The following MTCL1 variants were observed in gnomAD, a reference collection of about 807,000 sequenced individuals.
The protein encoded by MTCL1 is microtubule cross-linking factor 1.
MTCL1 carries 79 observed loss-of-function variants against 141.4 expected under a neutral mutation model. The ratio of observed to expected loss-of-function variants is 0.56; its 90% CI spans 0.47 to 0.67. MTCL1 has a LOEUF of 0.67. Among genes scored for constraint, MTCL1 ranks in the 30% least tolerant of loss-of-function variants. The probability of loss-of-function intolerance (pLI) is 0.00; values close to 1 mark genes in which losing one functional copy is unlikely to be tolerated. For missense variants in MTCL1, 2,177 were observed against 2,113.9 expected (o/e 1.03, Z -0.59); for synonymous variants, 914 against 875.8 (o/e 1.04, Z -0.77).
exon 15 of MTCL1, chr18:8,825,841 C>G (rs1277775344): frequency 6.2e-7 from 1 of 1,614,234 alleles, no homozygotes; most frequent in Non-Finnish European, 8.5e-7. Context: ...GATGGCCTCT[C>G]CAGCCTCTTC....
At chr18:8,737,683 G>A (rs1262575539) in intron 4 of MTCL1, among the ~76,000 whole-genome samples, 1 of 152,232 alleles carries the variant, frequency 6.6e-6, no homozygotes, top group African/African-American at 2.4e-5. Flanking sequence ...GCAGGCTAAG[G>A]ATAGAGCACT....
chr18:8,718,627 A>G (rs913272101), exon 3 of MTCL1: 3 of 1,613,114 alleles, frequency 1.9e-6, no homozygotes, highest in Non-Finnish European at 2.5e-6. Context: ...AGCTTATTCG[A>G]AGCCTGGAGC....
rs1476756554 is a variant in MTCL1 at position 8,779,696 on chromosome 18, C to CT, written c.417+1807dup. 6.6e-6 allele frequency among the ~76,000 whole-genome samples: 1 copy of CT among 152,146 alleles called. No homozygotes were observed. The highest frequency in any genetic ancestry group is 1.5e-5 in the Non-Finnish European group (1 of 68,038). ...ACTCTCCCATGGCTTCCAGGACAGT[C>CT]TTTCTTTCAAACCCTGCTTTAGTCT... is the stretch of plus-strand genomic sequence containing the variant. On this transcript the variant is annotated intron_variant, in intron 5 of 16. Coordinates refer to ENST00000359865, the Ensembl canonical transcript of MTCL1. The surrounding 1 kb of genome is among the most constrained non-coding windows in gnomAD (Gnocchi z 4.1).
At chr18:8,773,578 A>G (rs887719892) in intron 4 of MTCL1, among the ~76,000 whole-genome samples, 3 of 152,084 alleles carry the variant, frequency 2.0e-5, no homozygotes, top group Non-Finnish European at 2.9e-5. Flanking sequence ...CCAATCTATC[A>G]ATCTTTTCTC....
At chr18:8,780,623 C>T (rs1422026731) in intron 5 of MTCL1, among the ~76,000 whole-genome samples, 1 of 152,210 alleles carries the variant, frequency 6.6e-6, no homozygotes, top group East Asian at 1.9e-4. Context: ...CCCCTGTTTT[C>T]TGGTCCCAAG....
rs79819128 is a variant in MTCL1 at position 8,793,259 on chromosome 18, C to T, written c.2010+139C>T. On this transcript the variant is annotated intron_variant, in intron 8 of 16. Transcript: ENST00000359865. Reference sequence around the variant, plus strand: ...CTCCTGGGCACGTATGGAAAGGTCACCCAGTCAAGCTGTCCCCTCTCAGAC... The same window carrying T: ...CTCCTGGGCACGTATGGAAAGGTCATCCAGTCAAGCTGTCCCCTCTCAGAC... 3,901 of 1,175,786 alleles carry T rather than the reference C, an allele frequency of 3.3e-3. 87 individuals are homozygous for T. In the African/African-American group the frequency reaches 0.051, roughly 15 times the overall value. 72.8% of individuals were successfully genotyped at this position (1,175,786 alleles called of 1,614,324 possible).
At chr18:8,723,508 C>T (rs1165114799) in intron 4 of MTCL1, among the ~76,000 whole-genome samples, 1 of 152,092 alleles carries the variant, frequency 6.6e-6, no homozygotes, top group African/African-American at 2.4e-5. Context: ...GTGTGTGTGT[C>T]CCCTCGGCCT....
rs2076882194 is a variant in MTCL1 at position 8,822,602 on chromosome 18, G to T, written c.3188+1104G>T. ...CACTGTGCCCAGCCCAAACTGCCTGGGTTTGAATCGCTTCTGCCTCCTTGG... is the reference window on the plus strand; with the variant it reads ...CACTGTGCCCAGCCCAAACTGCCTGTGTTTGAATCGCTTCTGCCTCCTTGG... On this transcript the variant is annotated intron_variant, in intron 14 of 16. Transcript: ENST00000359865. This position sits in a 1 kb window ranked among gnomAD's most constrained non-coding sequence, Gnocchi z 4.6. Among the ~76,000 whole-genome samples, 1 of 152,216 alleles carries T rather than the reference G, an allele frequency of 6.6e-6. No individual in the cohort carries two copies.
At chr18:8,797,245 C>T (rs1034148648) in intron 9 of MTCL1, among the ~76,000 whole-genome samples, 1 of 152,190 alleles carries the variant, frequency 6.6e-6, no homozygotes, top group Non-Finnish European at 1.5e-5. Context: ...AGCTTTGTTC[C>T]TAGATGTGGA....
intron 5 of MTCL1, chr18:8,778,122 A>C: frequency 4.2e-6 from 2 of 472,628 alleles, no homozygotes; most frequent in Non-Finnish European, 7.5e-6. Flanking sequence ...TTTCTTCAGG[A>C]AAAAGAACTG....
rs202151461 is a variant in MTCL1, at chr18:8,824,940, G to A, written c.3430G>A (p.Glu1144Lys). The A allele has an allele frequency of 1.3e-5, 21 of 1,613,704 alleles. No individual in the cohort carries two copies. In the Admixed American group the frequency reaches 1.8e-4, roughly 14 times the overall value. ...GACCGAGGTGGGGCGGGCAGGGCACGAGGACAGCACAGAGCCTTTCCCCGA... is the reference window on the plus strand; with the variant it reads ...GACCGAGGTGGGGCGGGCAGGGCACAAGGACAGCACAGAGCCTTTCCCCGA... Residue 1144 changes from glutamate (E) to lysine (K), a missense_variant, in exon 15 of 17, where the codon GAG (glutamate) becomes AAG (lysine). Transcript: ENST00000359865.
chr18:8,752,910 A>G (rs981210020), intron 4 of MTCL1, among the ~76,000 whole-genome samples: 2 of 152,222 alleles, frequency 1.3e-5, no homozygotes, highest in Admixed American at 6.5e-5. Flanking sequence ...AGAGCTGGAC[A>G]TGAGCAACCT....
In MTCL1 at chr18:8,831,047, A is replaced by G. The variant is rs191260040; in HGVS notation, c.*19-560A>G. On this transcript the variant is annotated intron_variant, in intron 16 of 16. Transcript: ENST00000359865. ...AATTTCTGCCTGCAGCATTTTTGCC[A>G]TGTTGTGGGAGTTTGTTTAAGCTAC... is the stretch of plus-strand genomic sequence containing the variant. 6.2e-4 allele frequency: 607 copies of G among 985,626 alleles called. 2 individuals are homozygous for G. The African/African-American group carries it at 0.01, about 16-fold the overall frequency. 61.1% of individuals were successfully genotyped at this position (985,626 alleles called of 1,614,324 possible).
rs1028829778 is a variant in MTCL1, at chr18:8,809,806, G to A, written c.2604+2746G>A. On this transcript the variant is annotated intron_variant, in intron 11 of 16. Coordinates refer to ENST00000359865, the Ensembl canonical transcript of MTCL1. ...GATGGAAAGGGGACAGGTTGGATTT[G>A]AGGTGTGTGTCATCACAGGCACTGG... is the stretch of plus-strand genomic sequence containing the variant. 5.1e-5 allele frequency: 29 copies of A among 567,416 alleles called. 1 individual carries two copies. The highest frequency in any genetic ancestry group is 4.4e-4 in the South Asian group (20 of 45,634). 35.1% of individuals were successfully genotyped at this position (567,416 alleles called of 1,614,324 possible).
chr18:8,827,040 C>T (rs1043471322), intron 15 of MTCL1, among the ~76,000 whole-genome samples: 10 of 152,224 alleles, frequency 6.6e-5, no homozygotes, highest in African/African-American at 2.4e-4. Flanking sequence ...GTGGTTCGTG[C>T]AGCACAGAGA....
chr18:8,772,509 C>T (rs1330870048), intron 4 of MTCL1, among the ~76,000 whole-genome samples: 1 of 151,882 alleles, frequency 6.6e-6, no homozygotes, highest in East Asian at 1.9e-4. Flanking sequence ...ACTAATAATT[C>T]TGTCACCTGA....
upstream of MTCL1, among the ~76,000 whole-genome samples, chr18:8,714,215 G>A (rs1032530670): frequency 1.3e-5 from 2 of 152,094 alleles, no homozygotes; most frequent in Non-Finnish European, 2.9e-5. Flanking sequence ...TTGCAGTGTG[G>A]CTTCAATTTA....
At chr18:8,707,855 C>G (rs2096066503) in intron 1 of MTCL1, among the ~76,000 whole-genome samples, 1 of 152,188 alleles carries the variant, frequency 6.6e-6, no homozygotes, top group Admixed American at 6.5e-5. Context: ...ACACGGAAAT[C>G]AGAGCACATT....
intron 8 of MTCL1, 30 bp downstream of exon 7, chr18:8,793,150 C>A: frequency 6.2e-7 from 1 of 1,610,130 alleles, no homozygotes; most frequent in South Asian, 1.1e-5. Flanking sequence ...TCAGCACAAC[C>A]GCTTTGTGAA....
Sources: allele counts gnomAD v4.1 joint callset (sites outside exome capture counted in the v4.1 genomes callset), GRCh38; gene constraint gnomAD v4.1.1; non-coding constraint Gnocchi (gnomAD v3.1); transcripts MANE v1.5; gene names NCBI Gene and HGNC (gene_info 2026-07-23, HGNC 2026-07-21).